The following ATP8A2 variants were observed in gnomAD, a reference collection of about 807,000 sequenced individuals.
The protein encoded by ATP8A2 is ATPase phospholipid transporting 8A2.
A neutral mutation model predicts 165.6 loss-of-function variants in ATP8A2; 100 were observed. The observed-to-expected ratio is 0.60, with a 90% CI of 0.51 to 0.71. The LOEUF is 0.71. Among genes scored for constraint, ATP8A2 ranks in the 30% least tolerant of loss-of-function variants. The probability of loss-of-function intolerance (pLI) is 0.00; values close to 1 mark genes in which losing one functional copy is unlikely to be tolerated. For missense variants in ATP8A2, 1,227 were observed against 1,479.5 expected, an observed-to-expected ratio of 0.83 and a Z score of 2.80; for synonymous variants, 543 against 548.8, an observed-to-expected ratio of 0.99 and a Z score of 0.15.
At chr13:25,829,445 T>C (rs757153543) in intron 28 of ATP8A2, among the ~76,000 whole-genome samples, 2 of 151,746 alleles carry the variant, frequency 1.3e-5, no homozygotes, top group Non-Finnish European at 2.9e-5. Context: ...TAAGGGGAGA[T>C]CACAGATTGC....
intron 28 of ATP8A2, 34 bp from the exon 29 acceptor site, chr13:25,837,129 G>GGCT (rs765023139): frequency 6.2e-7 from 1 of 1,607,708 alleles, no homozygotes; most frequent in Non-Finnish European, 8.5e-7. Flanking sequence ...GGATCCGAAG[G>GGCT]GCTGCTTTTA....
At chr13:25,513,361 GC>G (rs2037337495) in intron 2 of ATP8A2, among the ~76,000 whole-genome samples, 1 of 151,888 alleles carries the variant, frequency 6.6e-6, no homozygotes, top group South Asian at 2.1e-4. Context: ...CAGACGATGG[GC>G]GGCCGGGCAG....
intron 33 of ATP8A2, among the ~76,000 whole-genome samples, chr13:25,903,134 A>C (rs1953816093): frequency 6.6e-6 from 1 of 151,454 alleles, no homozygotes; most frequent in African/African-American, 2.4e-5. Flanking sequence ...AAACAAAACG[A>C]AACAAAACAA....
Position 25,938,287 on chromosome 13 carries a change from G to A in ATP8A2, c.3184-23288G>A, listed in dbSNP as rs184481057. Among the ~76,000 whole-genome samples, 8 of 152,034 alleles carry A rather than the reference G, an allele frequency of 5.3e-5. No individual in the cohort carries two copies. The East Asian group carries it at 1.5e-3, about 29-fold the overall frequency. ...TGGACTGAAAGAGATGAGAGGAAAC[G>A]GACGGACTTTTACAGCATGATATTC... On this transcript the variant is annotated intron_variant, in intron 33 of 36. Transcript: ENST00000381655.
chr13:25,684,111 G>A (rs183567153), intron 24 of ATP8A2, among the ~76,000 whole-genome samples: 35 of 152,236 alleles, frequency 2.3e-4, no homozygotes, highest in Admixed American at 6.5e-5. Context: ...AAAGGCTTCC[G>A]CCCAGGATAA....
At chr13:25,988,993 C>T (rs758531649) in intron 35 of ATP8A2, among the ~76,000 whole-genome samples, 2 of 152,242 alleles carry the variant, frequency 1.3e-5, no homozygotes, top group Non-Finnish European at 2.9e-5. Flanking sequence ...CTTGCACGGG[C>T]CGTCAGCCTG....
At chr13:25,550,372 A>AG (rs1444919814) in intron 10 of ATP8A2, among the ~76,000 whole-genome samples, 7 of 152,238 alleles carry the variant, frequency 4.6e-5, no homozygotes, top group Admixed American at 4.6e-4. Flanking sequence ...CTGGTGGAGG[A>AG]GGGGGTGGTC....
intron 10 of ATP8A2, among the ~76,000 whole-genome samples, chr13:25,550,289 A>G (rs539619373): frequency 1.3e-5 from 2 of 152,282 alleles, no homozygotes; most frequent in East Asian, 3.9e-4. Flanking sequence ...TGGGTGAGAG[A>G]GTGAGACTCC....
chr13:25,622,517 A>G (rs189686045), intron 24 of ATP8A2, among the ~76,000 whole-genome samples: 16 of 152,296 alleles, frequency 1.1e-4, no homozygotes, highest in African/African-American at 3.4e-4. Context: ...AAATGGTGAA[A>G]TAATCTGAAA....
chr13:25,619,102 G>A (rs1593663394), intron 24 of ATP8A2, among the ~76,000 whole-genome samples: 1 of 152,208 alleles, frequency 6.6e-6, no homozygotes, highest in African/African-American at 2.4e-5. Flanking sequence ...CTGAAGGAGA[G>A]CAGGAACTCA....
At chr13:25,551,053 A>C (rs780969082) in intron 10 of ATP8A2, among the ~76,000 whole-genome samples, 1 of 152,172 alleles carries the variant, frequency 6.6e-6, no homozygotes, top group Non-Finnish European at 1.5e-5. Flanking sequence ...TAAGATAAGG[A>C]AAGTGACAAT....
chr13:25,867,278 A>G (rs1952534360), intron 33 of ATP8A2, among the ~76,000 whole-genome samples: 1 of 152,096 alleles, frequency 6.6e-6, no homozygotes, highest in Non-Finnish European at 1.5e-5. Context: ...TCAGTGAATC[A>G]GTGATTAATT....
chr13:25,483,301 T>C (rs185905260), intron 2 of ATP8A2, among the ~76,000 whole-genome samples: 1 of 152,332 alleles, frequency 6.6e-6, no homozygotes, highest in Non-Finnish European at 1.5e-5. Flanking sequence ...TTTCTGAGTT[T>C]TGTTTTGAAC....
intron 1 of ATP8A2, among the ~76,000 whole-genome samples, chr13:25,391,258 TCTC>T (rs1182940193): frequency 6.6e-6 from 1 of 152,138 alleles, no homozygotes; most frequent in African/African-American, 2.4e-5. Flanking sequence ...TCAAGCCTTA[TCTC>T]CTCCTTCATA....
chr13:25,402,160 A>T (rs1161979468), intron 1 of ATP8A2, among the ~76,000 whole-genome samples: 1 of 152,150 alleles, frequency 6.6e-6, no homozygotes, highest in Non-Finnish European at 1.5e-5. Context: ...GGATAAGGGG[A>T]TGATTCACAC....
intron 33 of ATP8A2, among the ~76,000 whole-genome samples, chr13:25,872,267 C>G (rs1461683136): frequency 6.6e-6 from 1 of 152,044 alleles, no homozygotes; most frequent in Non-Finnish European, 1.5e-5. Flanking sequence ...GGATGGAGCT[C>G]TTTTGCTGCT....
chr13:25,740,264 G>A (rs866566985), intron 25 of ATP8A2, among the ~76,000 whole-genome samples: 2 of 146,562 alleles, frequency 1.4e-5, no homozygotes, highest in African/African-American at 5.1e-5. Flanking sequence ...AGCTGAGATC[G>A]CGCCACTGCA....
chr13:25,856,961 G>A (rs1223580167), intron 30 of ATP8A2, among the ~76,000 whole-genome samples: 4 of 152,086 alleles, frequency 2.6e-5, no homozygotes, highest in Non-Finnish European at 5.9e-5. Context: ...GTTATCTATG[G>A]TCCATTCTCC....
intron 16 of ATP8A2, among the ~76,000 whole-genome samples, chr13:25,570,068 A>G (rs1049755942): frequency 6.6e-6 from 1 of 152,220 alleles, no homozygotes; most frequent in African/African-American, 2.4e-5. Context: ...TTTTTTTCCC[A>G]GAGAGAATAA....
Sources: allele counts gnomAD v4.1 joint callset (sites outside exome capture counted in the v4.1 genomes callset), GRCh38; gene constraint gnomAD v4.1.1; transcripts MANE v1.5; gene names NCBI Gene and HGNC (gene_info 2026-07-23, HGNC 2026-07-21).